MTUS2: variants seen among roughly 807,000 people sequenced by gnomAD.
MTUS2 encodes the protein microtubule associated scaffold protein 2.
In MTUS2, 40 loss-of-function variants were observed where a neutral mutation model predicts 114.1. The ratio of observed to expected loss-of-function variants is 0.35; its 90% CI spans 0.27 to 0.46. The LOEUF (loss-of-function observed/expected upper bound fraction) is 0.46. MTUS2 is among the 20% of genes least tolerant of loss of function. MTUS2 has a pLI of 1.00. For synonymous variants in MTUS2, 688 were observed against 672.0 expected (o/e 1.02, Z -0.37); for missense variants, 1,679 against 1,705.4 (o/e 0.98, Z 0.27).
chr13:29,158,790 AT>A (rs1463723756), intron 5 of MTUS2, among the ~76,000 whole-genome samples: 6 of 152,210 alleles, frequency 3.9e-5, no homozygotes, highest in Admixed American at 2.6e-4. Flanking sequence ...GTTTTGAATT[AT>A]TTTAAGATGC....
intron 2 of MTUS2, among the ~76,000 whole-genome samples, chr13:28,846,754 T>C (rs1281411858): frequency 6.6e-6 from 1 of 152,226 alleles, no homozygotes; most frequent in Non-Finnish European, 1.5e-5. Context: ...TCAGGACTCA[T>C]CTTCCTTCTC....
At chr13:29,353,520 C>G (rs533127746) in intron 7 of MTUS2, among the ~76,000 whole-genome samples, 159 of 152,150 alleles carry the variant, frequency 1.0e-3, no homozygotes, top group Non-Finnish European at 2.0e-3. Context: ...AGATTGGTCT[C>G]TAACTCCTGG....
intron 9 of MTUS2, among the ~76,000 whole-genome samples, chr13:29,461,081 G>A (rs1879453658): frequency 6.6e-6 from 1 of 152,108 alleles, no homozygotes; most frequent in African/African-American, 2.4e-5. Context: ...TCTGGAGGCT[G>A]GGAAGTCCAA....
At chr13:29,269,085 A>G (rs1308387626) in intron 5 of MTUS2, among the ~76,000 whole-genome samples, 1 of 152,216 alleles carries the variant, frequency 6.6e-6, no homozygotes, top group Non-Finnish European at 1.5e-5. Flanking sequence ...ACAGTGTCTC[A>G]GGAACATGCT....
chr13:29,492,702 C>A lies in MTUS2; in HGVS notation c.3562C>A (p.Leu1188Met). 3.1e-6 allele frequency: 5 copies of A among 1,613,354 alleles called. No individual in the cohort carries two copies. The highest frequency in any genetic ancestry group is 4.2e-6 in the Non-Finnish European group (5 of 1,179,374). The change falls in exon 12 of 16, where the codon CTG becomes ATG. Residue 1188 changes from leucine to methionine, a missense_variant. Leu to Met is a conservative substitution (Grantham distance 15). Around this residue, in one of 3 missense-constraint regions of MTUS2, gnomAD observed 822 missense variants for 899.7 expected, o/e 0.91. Transcript: ENST00000612955. ...KKELEENFEKLRLSLQDQVDT... is the reference protein window; with the variant it reads ...KKELEENFEKMRLSLQDQVDT... The stretch of plus-strand genomic sequence containing the variant: ...AGAATTGGAAGAAAATTTTGAAAAA[C>A]TGCGGCTGTCATTGCAGGTTAGTAT...
At chr13:29,366,683 C>G (rs904467945) in intron 8 of MTUS2, among the ~76,000 whole-genome samples, 11 of 152,138 alleles carry the variant, frequency 7.2e-5, no homozygotes, top group Non-Finnish European at 1.3e-4. Context: ...ATTTAAATAA[C>G]AAACCTTTGT....
chr13:29,391,743 C>T (rs1044498307), intron 8 of MTUS2, among the ~76,000 whole-genome samples: 3 of 151,704 alleles, frequency 2.0e-5, no homozygotes, highest in Admixed American at 1.3e-4. Context: ...ACAAAAGCTA[C>T]GATTAAAAGC....
chr13:29,492,010 TGTGTGTGGTAG>T (rs1294596232), intron 11 of MTUS2, among the ~76,000 whole-genome samples: 1 of 72,388 alleles, frequency 1.4e-5, no homozygotes, highest in African/African-American at 5.8e-5. Context: ...TGTATGTGAA[TGTGTGTGGTAG>T]GTGTGTGTGT....
At chr13:29,161,640 C>T (rs935953357) in intron 5 of MTUS2, among the ~76,000 whole-genome samples, 1 of 152,174 alleles carries the variant, frequency 6.6e-6, no homozygotes, top group East Asian at 1.9e-4. Flanking sequence ...ATACTCATTG[C>T]ACCCAATTTC....
intron 6 of MTUS2, among the ~76,000 whole-genome samples, chr13:29,286,672 G>GTCTGTCTGTCTATCTATCTATCTA (rs577593135): frequency 3.3e-4 from 37 of 111,014 alleles, no homozygotes; most frequent in African/African-American, 9.6e-4. Context: ...CTGTCTGTCT[G>GTCTGTCTGTCTATCTATCTATCTA]TCTATCTATC....
intron 2 of MTUS2, among the ~76,000 whole-genome samples, chr13:28,936,492 G>GC (rs1182407367): frequency 1.3e-5 from 2 of 152,090 alleles, no homozygotes; most frequent in Non-Finnish European, 2.9e-5. Context: ...TTGCTTTCCT[G>GC]CGGTGCCTGT....
chr13:29,178,952 G>A (rs557151410), intron 5 of MTUS2, among the ~76,000 whole-genome samples: 1 of 152,178 alleles, frequency 6.6e-6, no homozygotes, highest in Non-Finnish European at 1.5e-5. Context: ...GATTTTAAGA[G>A]AGATGTAGTG....
intron 6 of MTUS2, among the ~76,000 whole-genome samples, chr13:29,287,106 A>C (rs955140627): frequency 4.6e-5 from 7 of 152,262 alleles, no homozygotes; most frequent in Admixed American, 3.9e-4. Context: ...CAGATGCAGC[A>C]AGTGAAACGA....
At chr13:29,012,644 C>T (rs921574804) in intron 2 of MTUS2, among the ~76,000 whole-genome samples, 7 of 151,992 alleles carry the variant, frequency 4.6e-5, no homozygotes, top group South Asian at 2.1e-4. Flanking sequence ...GAGGCCGAGG[C>T]GGGCGGATCA....
chr13:29,241,937 C>T (rs1213001446), intron 5 of MTUS2, among the ~76,000 whole-genome samples: 3 of 152,102 alleles, frequency 2.0e-5, no homozygotes, highest in African/African-American at 7.2e-5. Context: ...TGCTGCCTTG[C>T]CTGCCACACT....
At chr13:28,906,429 T>C (rs374538093) in intron 2 of MTUS2, among the ~76,000 whole-genome samples, 2 of 151,184 alleles carry the variant, frequency 1.3e-5, no homozygotes, top group African/African-American at 2.4e-5. Context: ...GCTTTGAATG[T>C]GTCCCAGAGA....
rs1274107083 is a variant in MTUS2 at position 29,309,841 on chromosome 13, A to ACAT, written c.2807-14772_2807-14771insCAT. On this transcript the variant is annotated intron_variant, in intron 6 of 15. Coordinates refer to ENST00000612955, the MANE Select transcript of MTUS2 (RefSeq NM_001033602.4). ...GTACATGCCATGTTTTGATACAGGC[A>ACAT]TACAATGTGCAATGGTCACATCAGG... Among the ~76,000 whole-genome samples the ACAT allele has an allele frequency of 3.3e-4, 51 of 152,314 alleles. No individual in the cohort carries two copies. The East Asian group carries it at 9.1e-3, about 27-fold the overall frequency.
chr13:29,114,608 G>A (rs1891011285), intron 5 of MTUS2, among the ~76,000 whole-genome samples: 1 of 152,230 alleles, frequency 6.6e-6, no homozygotes, highest in African/African-American at 2.4e-5. Flanking sequence ...AAGTAAGGAA[G>A]GGAAGTGAGG....
At chr13:29,435,437 C>T (rs1877333360) in intron 8 of MTUS2, among the ~76,000 whole-genome samples, 1 of 152,146 alleles carries the variant, frequency 6.6e-6, no homozygotes, top group South Asian at 2.1e-4. Context: ...TTCAGTCAAC[C>T]CACAGTGTCA....
Sources: allele counts gnomAD v4.1 joint callset (sites outside exome capture counted in the v4.1 genomes callset), GRCh38; gene constraint gnomAD v4.1.1; regional missense constraint gnomAD v4.1.1; transcripts MANE v1.5; gene names NCBI Gene and HGNC (gene_info 2026-07-23, HGNC 2026-07-21).